TMEM45A: variants seen among roughly 807,000 people sequenced by gnomAD.
TMEM45A encodes the protein DNA polymerase-transactivated protein 4.
A neutral mutation model predicts 32.0 loss-of-function variants in TMEM45A; 25 were observed. The ratio of observed to expected loss-of-function variants is 0.78; its 90% CI spans 0.57 to 1.09. TMEM45A has a LOEUF of 1.09. TMEM45A is among the 50% of genes least tolerant of loss of function. TMEM45A has a pLI of 0.00. For synonymous variants in TMEM45A, 122 were observed against 114.8 expected, an observed-to-expected ratio of 1.06 and a Z score of -0.40; for missense variants, 302 against 325.0, an observed-to-expected ratio of 0.93 and a Z score of 0.54.
intron 1 of TMEM45A, among the ~76,000 whole-genome samples, chr3:100,523,918 A>T (rs1284201368): frequency 6.6e-6 from 1 of 152,218 alleles, no homozygotes; most frequent in Non-Finnish European, 1.5e-5. Flanking sequence ...AACTGCATAG[A>T]GCTAGAGAGC....
intron 1 of TMEM45A, among the ~76,000 whole-genome samples, chr3:100,535,018 T>C (rs1705717119): frequency 1.3e-5 from 2 of 152,270 alleles, no homozygotes; most frequent in East Asian, 3.9e-4. Flanking sequence ...GAGCCTGAGC[T>C]CTCTATCATG....
chr3:100,497,779 T>C (rs992585124), intron 1 of TMEM45A, among the ~76,000 whole-genome samples: 2 of 152,242 alleles, frequency 1.3e-5, no homozygotes, highest in Non-Finnish European at 2.9e-5. Context: ...TGTATGTATA[T>C]ACCATCTTTT....
At chr3:100,503,693 A>G (rs985255177) in intron 1 of TMEM45A, among the ~76,000 whole-genome samples, 12 of 152,342 alleles carry the variant, frequency 7.9e-5, no homozygotes, top group African/African-American at 2.6e-4. Flanking sequence ...TCACAGGAAG[A>G]TACATGAACA....
At chr3:100,523,089 A>G (rs1705467440) in intron 1 of TMEM45A, among the ~76,000 whole-genome samples, 2 of 152,062 alleles carry the variant, frequency 1.3e-5, no homozygotes, top group South Asian at 4.1e-4. Flanking sequence ...CCATCCTACC[A>G]TATTCTGGGG....
At chr3:100,517,900 G>T (rs182635374) in intron 1 of TMEM45A, among the ~76,000 whole-genome samples, 13 of 152,284 alleles carry the variant, frequency 8.5e-5, no homozygotes, top group Non-Finnish European at 1.5e-4. Context: ...GGTTTAAATG[G>T]GCTTGTTTAC....
chr3:100,548,475 T>C (rs968662281), intron 1 of TMEM45A, among the ~76,000 whole-genome samples: 1 of 152,194 alleles, frequency 6.6e-6, no homozygotes, highest in Non-Finnish European at 1.5e-5. Context: ...ACTTCTTTCT[T>C]GATTTCACCT....
At chr3:100,525,300 AAT>A in intron 1 of TMEM45A, among the ~76,000 whole-genome samples, 1 of 152,302 alleles carries the variant, frequency 6.6e-6, no homozygotes, top group African/African-American at 2.4e-5. Context: ...GGTTAAATAA[AAT>A]ATATTATTAA....
intron 3 of TMEM45A, among the ~76,000 whole-genome samples, chr3:100,557,647 C>T (rs1171577539): frequency 1.3e-5 from 2 of 151,994 alleles, no homozygotes; most frequent in Non-Finnish European, 2.9e-5. Flanking sequence ...TCACTTCCTA[C>T]TCACCTTGCC....
intron 1 of TMEM45A, among the ~76,000 whole-genome samples, chr3:100,520,488 C>G (rs1705413264): frequency 6.6e-6 from 1 of 152,180 alleles, no homozygotes; most frequent in Non-Finnish European, 1.5e-5. Context: ...GTGAGGCCCT[C>G]TTTTCCGCCC....
At chr3:100,528,969 G>A (rs1417496201) in intron 1 of TMEM45A, among the ~76,000 whole-genome samples, 2 of 152,160 alleles carry the variant, frequency 1.3e-5, no homozygotes, top group African/African-American at 4.8e-5. Context: ...GATAGTTTCT[G>A]TTTTATAGGA....
chr3:100,508,350 C>G (rs1708106211), intron 1 of TMEM45A, among the ~76,000 whole-genome samples: 1 of 152,172 alleles, frequency 6.6e-6, no homozygotes, highest in Admixed American at 6.5e-5. Context: ...GCCGTGGAGT[C>G]CAACAGCCCA....
intron 4 of TMEM45A, 61 bp from the exon 5 acceptor site, chr3:100,568,761 T>G: frequency 6.8e-7 from 1 of 1,475,166 alleles, no homozygotes; most frequent in Non-Finnish European, 9.3e-7. Flanking sequence ...TATTTTGAAA[T>G]GTACCATTTT....
chr3:100,534,911 C>T (rs1424351237), intron 1 of TMEM45A, among the ~76,000 whole-genome samples: 2 of 152,208 alleles, frequency 1.3e-5, no homozygotes, highest in African/African-American at 4.8e-5. Flanking sequence ...TGACCTCACA[C>T]ACCTCACAGA....
rs966088883 is a variant in TMEM45A, at chr3:100,536,845, A to G, written c.-3-18364A>G. Among the ~76,000 whole-genome samples, 3 of 152,280 alleles carry G rather than the reference A, an allele frequency of 2.0e-5. No individual in the cohort carries two copies. In the South Asian group the frequency reaches 6.2e-4, roughly 32 times the overall value. On this transcript the variant is annotated intron_variant, in intron 1 of 5. Coordinates refer to ENST00000323523, the MANE Select transcript of TMEM45A (RefSeq NM_018004.3). ...AACCAGAGGCCCAAACCCTGGCCCCACACCCCAGCCTGTCCCAAGGTGAAA... is the reference window on the plus strand; with the variant it reads ...AACCAGAGGCCCAAACCCTGGCCCCGCACCCCAGCCTGTCCCAAGGTGAAA...
intron 1 of TMEM45A, among the ~76,000 whole-genome samples, chr3:100,529,688 CT>C (rs905810306): frequency 1.1e-4 from 16 of 152,128 alleles, no homozygotes; most frequent in Admixed American, 9.8e-4. Flanking sequence ...GTGGAGTGAT[CT>C]AGCTCATTGC....
chr3:100,522,837 C>T (rs1000316382), intron 1 of TMEM45A, among the ~76,000 whole-genome samples: 6 of 152,184 alleles, frequency 3.9e-5, no homozygotes, highest in South Asian at 4.1e-4. Context: ...CAAAGTGTCT[C>T]GTCCATAAAC....
chr3:100,541,496 T>A (rs1382073118), intron 1 of TMEM45A, among the ~76,000 whole-genome samples: 1 of 151,200 alleles, frequency 6.6e-6, no homozygotes, highest in Non-Finnish European at 1.5e-5. Context: ...CTTGAGTCAA[T>A]TGTTTTCTTT....
intron 4 of TMEM45A, among the ~76,000 whole-genome samples, chr3:100,561,902 T>A (rs1237192173): frequency 6.6e-6 from 1 of 152,214 alleles, no homozygotes; most frequent in African/African-American, 2.4e-5. Context: ...AGCCTTTGTT[T>A]TGCCTTTATG....
chr3:100,560,374 G>A (rs1450788902), intron 4 of TMEM45A, among the ~76,000 whole-genome samples: 2 of 151,702 alleles, frequency 1.3e-5, no homozygotes, highest in African/African-American at 4.8e-5. Context: ...GCTGCCTTCT[G>A]TAAGATTTGA....
Sources: gnomAD v4.1 joint callset for allele counts (sites outside exome capture counted in the v4.1 genomes callset) on GRCh38, gnomAD v4.1.1 for gene constraint, MANE v1.5 for transcripts, NCBI Gene and HGNC (gene_info 2026-07-23, HGNC 2026-07-21) for gene names.